Variants in MYO7B observed in about 807,000 individuals in gnomAD.
The protein encoded by MYO7B is myosin VIIB.
Under a neutral mutation model 259.7 loss-of-function variants are expected in MYO7B, and 212 were observed. The observed-to-expected ratio is 0.82, with a 90% CI of 0.73 to 0.91. The LOEUF (loss-of-function observed/expected upper bound fraction) is 0.91, where lower values mean the gene tolerates loss of function less well. Ranked by LOEUF, MYO7B falls within the 40% of genes least tolerant of loss-of-function variation. The probability of loss-of-function intolerance (pLI) is 0.00; values close to 1 mark genes in which losing one functional copy is unlikely to be tolerated. For missense variants in MYO7B, 2,732 were observed against 2,813.5 expected (o/e 0.97, Z 0.66); for synonymous variants, 1,197 against 1,166.4 (o/e 1.03, Z -0.54).
chr2:127,630,071 G>A (rs577913805), intron 35 of MYO7B, among the ~76,000 whole-genome samples: 10 of 151,628 alleles, frequency 6.6e-5, no homozygotes, highest in South Asian at 2.1e-4. Flanking sequence ...GGGGGTGTCC[G>A]GGGGACAAAC....
intron 17 of MYO7B, 65 bp downstream of exon 17, chr2:127,593,011 C>T (rs1679627428): frequency 6.5e-7 from 1 of 1,535,340 alleles, no homozygotes; most frequent in Non-Finnish European, 8.8e-7. Context: ...CTTGGCACCT[C>T]CAGCCCCCAG....
Position 127,582,380 on chromosome 2 carries a change from C to A in MYO7B, c.1277C>A (p.Pro426His), listed in dbSNP as rs1679137355. Reference protein sequence around the residue: ...AAIFTPPAQDPKNVRRAIGLL... With the variant: ...AAIFTPPAQDHKNVRRAIGLL... ...ATCTTCACACCACCAGCCCAGGACC[C>A]CAAAAATGTGCGGAGGGCCATCGGC... The change falls in exon 12 of 48, where the codon CCC becomes CAC. Residue 426 changes from proline (P) to histidine (H), a missense_variant. Around this residue, in one of 3 missense-constraint regions of MYO7B, gnomAD observed 1,906 missense variants for 2,026.4 expected, o/e 0.94. Transcript: ENST00000409816. The A allele has an allele frequency of 6.2e-7, 1 of 1,613,296 alleles. No individual in the cohort carries two copies. Among genetic ancestry groups the A allele is most frequent in the Non-Finnish European group, 8.5e-7 (1 of 1,179,710 alleles).
At chr2:127,578,424 C>G in intron 9 of MYO7B, 138 bp downstream of exon 9, 1 of 1,186,558 alleles carries the variant, frequency 8.4e-7, no homozygotes, top group South Asian at 1.5e-5. Context: ...CTAAAAAATT[C>G]AGCTGTGATT....
intron 6 of MYO7B, among the ~76,000 whole-genome samples, chr2:127,571,647 A>AT (rs1678634693): frequency 1.3e-5 from 2 of 151,000 alleles, no homozygotes; most frequent in African/African-American, 4.9e-5. Context: ...CGCCCAGTTA[A>AT]TTTTGTATTT....
Position 127,592,873 on chromosome 2 carries a change from T to G in MYO7B, c.2072T>G (p.Phe691Cys), listed in dbSNP as rs935108378. ...METVHIRKSG[F>C]PIRYTFEEFS... ...ACCGTGCACATCCGCAAGTCGGGCT[T>G]CCCCATCCGCTACACGTTCGAGGAG... Residue 691 changes from phenylalanine to cysteine, a missense_variant, in exon 17 of 48, where the codon TTC becomes TGC. By Grantham distance (205) the Phe-to-Cys change is radical. Coordinates refer to ENST00000409816, the MANE Select transcript of MYO7B (RefSeq NM_001393586.1). The G allele has an allele frequency of 6.2e-6, 10 of 1,610,052 alleles. No homozygotes were observed. The highest frequency in any genetic ancestry group is 8.5e-6 in the Non-Finnish European group (10 of 1,178,724).
chr2:127,632,795 CT>C (rs983802888), intron 39 of MYO7B, among the ~76,000 whole-genome samples: 1 of 152,146 alleles, frequency 6.6e-6, no homozygotes, highest in African/African-American at 2.4e-5. Flanking sequence ...CGTCTTTGCT[CT>C]CCCCCACCCC....
Position 127,593,528 on chromosome 2 carries a change from C to G in MYO7B, c.2146-18C>G. 6.2e-7 allele frequency: 1 copy of G among 1,611,082 alleles called. No homozygotes were observed. Among genetic ancestry groups the G allele is most frequent in the South Asian group, 1.1e-5 (1 of 90,880 alleles). On this transcript the variant is annotated intron_variant, in intron 17 of 47. Coordinates refer to ENST00000409816, the MANE Select transcript of MYO7B (RefSeq NM_001393586.1). Reference sequence around the variant, plus strand: ...CTCTGCCCCACCTCCCACCGATACCCCCGTTTGGTCTTGGCAGCTGCAAGG... The same window carrying G: ...CTCTGCCCCACCTCCCACCGATACCGCCGTTTGGTCTTGGCAGCTGCAAGG...
Position 127,635,762 on chromosome 2 carries a change from G to T in MYO7B, c.5861G>T (p.Arg1954Leu). 2 of 1,603,142 alleles carry T rather than the reference G, an allele frequency of 1.2e-6. No individual in the cohort carries two copies. Among genetic ancestry groups the T allele is most frequent in the East Asian group, 2.3e-5 (1 of 44,230 alleles). The change falls in exon 44 of 48, where the codon CGG (arginine) becomes CTG (leucine). Residue 1954 changes from arginine (R) to leucine (L), a missense_variant. Physicochemically the swap from Arg to Leu is moderately radical, Grantham distance 102. Coordinates refer to ENST00000409816, the MANE Select transcript of MYO7B (RefSeq NM_001393586.1). ...KYLRGFHKCS[R>L]EDAIHLAGLI... ...CTGCGCGGATTCCACAAGTGTTCGCGGGAGGATGCCATCCACCTGGCGGGC... is the reference window on the plus strand; with the variant it reads ...CTGCGCGGATTCCACAAGTGTTCGCTGGAGGATGCCATCCACCTGGCGGGC...
intron 6 of MYO7B, 137 bp from the exon 7 acceptor site, chr2:127,573,783 C>A: frequency 8.6e-7 from 1 of 1,160,336 alleles, no homozygotes; most frequent in Non-Finnish European, 1.2e-6. Flanking sequence ...TGGCTTCCGT[C>A]ACTGTCTGGT....
In MYO7B at chr2:127,629,807, A is replaced by C; in HGVS notation, c.4787A>C (p.Lys1596Thr). 6.4e-7 allele frequency: 1 copy of C among 1,573,334 alleles called. No homozygotes were observed. ...ACLYTIPTVTKPSAQLLSLLA... is the reference protein window; with the variant it reads ...ACLYTIPTVTTPSAQLLSLLA... ...CTCTACACCATCCCCACGGTCACTA[A>C]GCCCTCGGCACAGCTGCTGGTAACT... Residue 1596 changes from lysine (K) to threonine (T), a missense_variant, in exon 35 of 48, where the codon AAG (lysine) becomes ACG (threonine). Transcript: ENST00000409816.
rs753151530 is a variant in MYO7B at position 127,627,367 on chromosome 2, G to A, written c.4460+57G>A. 1.3e-6 allele frequency: 2 copies of A among 1,588,926 alleles called. No homozygotes were observed. The highest frequency in any genetic ancestry group is 1.7e-6 in the Non-Finnish European group (2 of 1,164,826). On this transcript the variant is annotated intron_variant, in intron 33 of 47. Coordinates refer to ENST00000409816, the MANE Select transcript of MYO7B (RefSeq NM_001393586.1). The surrounding 1 kb of genome is among the most constrained non-coding windows in gnomAD (Gnocchi z 5.6). ...ACACTGAGTCCTTGTGATGCATCTGGGGGCTCGGGGAGAGATGGGGAGAGG... is the reference window on the plus strand; with the variant it reads ...ACACTGAGTCCTTGTGATGCATCTGAGGGCTCGGGGAGAGATGGGGAGAGG...
At chr2:127,571,442 G>GTTTTTTTTTTGTT (rs1553448471) in intron 6 of MYO7B, among the ~76,000 whole-genome samples, 5 of 41,966 alleles carry the variant, frequency 1.2e-4, no homozygotes, top group African/African-American at 1.6e-4. Context: ...TTACCAGTGA[G>GTTTTTTTTTTGTT]TTTTTTTTTT....
chr2:127,595,631 C>G (rs189179887), intron 18 of MYO7B, among the ~76,000 whole-genome samples: 15 of 152,326 alleles, frequency 9.8e-5, no homozygotes, highest in Non-Finnish European at 2.2e-4. Context: ...CCTCTTAACA[C>G]TGCTTTAGCT....
intron 7 of MYO7B, among the ~76,000 whole-genome samples, chr2:127,575,147 G>A (rs997817592): frequency 2.6e-5 from 4 of 152,178 alleles, no homozygotes; most frequent in Non-Finnish European, 4.4e-5. Context: ...GTGACCCTCC[G>A]ACCTGGTGCT....
At position 127,588,573 on chromosome 2, in the gene MYO7B, C is replaced by T. The variant is rs1228268389; in HGVS notation, c.1854+18C>T. ...TCTTCAAGGTGGGCTCCCAGGCACCCTCCTGGGTCTGTCACCCCTGATGGC... is the reference window on the plus strand; with the variant it reads ...TCTTCAAGGTGGGCTCCCAGGCACCTTCCTGGGTCTGTCACCCCTGATGGC... On this transcript the variant is annotated intron_variant, in intron 15 of 47. Transcript: ENST00000409816. 14 of 1,612,224 alleles carry T rather than the reference C, an allele frequency of 8.7e-6. No homozygotes were observed. The highest frequency in any genetic ancestry group is 1.2e-5 in the Non-Finnish European group (14 of 1,179,514).
At chr2:127,548,636 G>C (rs1173584978) in intron 1 of MYO7B, among the ~76,000 whole-genome samples, 1 of 151,742 alleles carries the variant, frequency 6.6e-6, no homozygotes, top group Non-Finnish European at 1.5e-5. Context: ...GGCTGGTCTC[G>C]AACTCCTGAC....
At chr2:127,541,184 C>T (rs1273735881) in intron 1 of MYO7B, among the ~76,000 whole-genome samples, 1 of 151,948 alleles carries the variant, frequency 6.6e-6, no homozygotes, top group East Asian at 1.9e-4. Flanking sequence ...GTGAAGGAGG[C>T]ATCTCTGTGG....
intron 1 of MYO7B, among the ~76,000 whole-genome samples, chr2:127,536,417 C>T (rs1573593816): frequency 6.9e-6 from 1 of 145,692 alleles, no homozygotes; most frequent in East Asian, 2.1e-4. Context: ...CTTTAGTCAC[C>T]TCTGGAAGGC....
At position 127,635,114 on chromosome 2, in the gene MYO7B, G is replaced by A. The variant is rs750988745; in HGVS notation, c.5714-6G>A. On this transcript the variant is annotated splice_polypyrimidine_tract_variant and splice_region_variant and intron_variant, in intron 42 of 47. Coordinates refer to ENST00000409816, the MANE Select transcript of MYO7B (RefSeq NM_001393586.1). ...GGCTTGGTGCCCACTGCTGGCCCTC[G>A]CCCAGGGGCCCCCGTGACGCTCCCC... is the stretch of plus-strand genomic sequence containing the variant. The A allele has an allele frequency of 4.4e-5, 71 of 1,609,350 alleles. No homozygotes were observed. In the African/African-American group the frequency reaches 5.3e-4, roughly 12 times the overall value.
Sources: gnomAD v4.1 joint callset for allele counts (sites outside exome capture counted in the v4.1 genomes callset) on GRCh38, gnomAD v4.1.1 for gene constraint, gnomAD v4.1.1 regional missense constraint, Gnocchi (gnomAD v3.1) non-coding constraint, MANE v1.5 for transcripts, NCBI Gene and HGNC (gene_info 2026-07-23, HGNC 2026-07-21) for gene names.